Variants in TTC24 observed in about 807,000 individuals in gnomAD.
TTC24 encodes tetratricopeptide repeat protein 24.
A neutral mutation model predicts 63.3 loss-of-function variants in TTC24; 54 were observed. The ratio of observed to expected loss-of-function variants is 0.85; its 90% CI spans 0.69 to 1.07. The LOEUF (loss-of-function observed/expected upper bound fraction) is 1.07. Among genes scored for constraint, TTC24 ranks in the 50% least tolerant of loss-of-function variants. The pLI is 0.00. For synonymous variants in TTC24, 276 were observed against 304.3 expected (o/e 0.91, Z 0.97); for missense variants, 680 against 730.5 (o/e 0.93, Z 0.80).
chr1:156,583,642 T>G lies in TTC24; in HGVS notation c.1153-155T>G, dbSNP rs1365959660. 6.6e-6 allele frequency among the ~76,000 whole-genome samples: 1 copy of G among 152,056 alleles called. No homozygotes were observed. The highest frequency in any genetic ancestry group is 1.5e-5 in the Non-Finnish European group (1 of 68,008). The stretch of plus-strand genomic sequence containing the variant: ...GCTGTCCACAATTCTGGGCAGGTGG[T>G]GGCAGGACCCTGGGAAAGGCATGGG... On this transcript the variant is annotated intron_variant, in intron 5 of 10. Coordinates refer to ENST00000368236, the MANE Select transcript of TTC24 (RefSeq NM_001105669.4). This position sits in a 1 kb window ranked among gnomAD's most constrained non-coding sequence, Gnocchi z 4.0.
At chr1:156,582,512 G>A (rs1571383102) in intron 3 of TTC24, 78 bp downstream of exon 3, 1 of 1,354,428 alleles carries the variant, frequency 7.4e-7, no homozygotes, top group South Asian at 1.3e-5. Flanking sequence ...AAGGCTTAAG[G>A]GTGGATGGCC....
At position 156,584,897 on chromosome 1, in the gene TTC24, C is replaced by T. The variant is rs1677107788; in HGVS notation, c.1272C>T (p.Leu424=). 3 of 1,592,950 alleles carry T rather than the reference C, an allele frequency of 1.9e-6. No individual in the cohort carries two copies. Among genetic ancestry groups the T allele is most frequent in the Middle Eastern group, 1.7e-4 (1 of 5,990 alleles). ...CCCAGACTTCGGCTCCGGGAAGACTCCAGGCTCCAGGTGGGGCCAGCCAGG... is the reference window on the plus strand; with the variant it reads ...CCCAGACTTCGGCTCCGGGAAGACTTCAGGCTCCAGGTGGGGCCAGCCAGG... ...THTLTSAPGR[L]QAPGGASQAE... The change falls in exon 7 of 11, where the codon CTC becomes CTT. Residue 424 remains leucine, a synonymous_variant. Coordinates refer to ENST00000368236, the MANE Select transcript of TTC24 (RefSeq NM_001105669.4).
In TTC24 at chr1:156,581,426, A is replaced by G; in HGVS notation, c.62A>G (p.Asn21Ser). Reference sequence around the variant, plus strand: ...CCAGAACCTGAGCCCTCAAGCTCCAATAAGAAAAAGAAGAAAAGAAAGTGG... The same window carrying G: ...CCAGAACCTGAGCCCTCAAGCTCCAGTAAGAAAAAGAAGAAAAGAAAGTGG... Reference protein sequence around the residue: ...RRPEPEPSSSNKKKKKRKWLR... With the variant: ...RRPEPEPSSSSKKKKKRKWLR... Residue 21 changes from asparagine to serine, a missense_variant, in exon 2 of 11, where the codon AAT becomes AGT. By Grantham distance (46) the Asn-to-Ser change is conservative (BLOSUM62 1). Transcript: ENST00000368236. 6.5e-7 allele frequency: 1 copy of G among 1,547,656 alleles called. No individual in the cohort carries two copies. The highest frequency in any genetic ancestry group is 8.7e-7 in the Non-Finnish European group (1 of 1,145,262).
At position 156,583,920 on chromosome 1, in the gene TTC24, G is replaced by T; in HGVS notation, c.1251+25G>T. 6.5e-7 allele frequency: 1 copy of T among 1,549,130 alleles called. No homozygotes were observed. The highest frequency in any genetic ancestry group is 2.4e-5 in the East Asian group (1 of 41,676). ...GGTGAGATGACACCTGAGACAAGGA[G>T]ATGGGGGTGGAGAGAGGTTACCCAG... On this transcript the variant is annotated intron_variant, in intron 6 of 10. Transcript: ENST00000368236. The surrounding 1 kb of genome is among the most constrained non-coding windows in gnomAD (Gnocchi z 4.0).
rs1311381768 is a variant in TTC24, at chr1:156,583,781, T to G, written c.1153-16T>G. ...CCAGGCATTCCCCATTACCCTATTA[T>G]CCACCCTCTTCCCAGAAGGAGCCAG... is the stretch of plus-strand genomic sequence containing the variant. On this transcript the variant is annotated splice_polypyrimidine_tract_variant and intron_variant, in intron 5 of 10. Transcript: ENST00000368236. The surrounding 1 kb of genome is among the most constrained non-coding windows in gnomAD (Gnocchi z 4.0). 15 of 1,553,324 alleles carry G rather than the reference T, an allele frequency of 9.7e-6. No individual in the cohort carries two copies. The highest frequency in any genetic ancestry group is 1.2e-5 in the Non-Finnish European group (14 of 1,147,292).
intron 9 of TTC24, 45 bp from the exon 10 acceptor site, chr1:156,585,904 G>T (rs370172671): frequency 1.9e-6 from 3 of 1,596,804 alleles, no homozygotes; most frequent in Non-Finnish European, 1.7e-6. Context: ...ATAGTTCTTG[G>T]TGCAGAGAGG....
Position 156,584,942 on chromosome 1 carries a change from G to C in TTC24, c.1317G>C (p.Lys439Asn). ...GCCAGGCGGAGGGGACCCCAGCAAA[G>C]GCAGGAAGCAGCACAGCAGGTGTCC... ...GASQAEGTPA[K>N]AGSSTAGVQH... The change falls in exon 7 of 11, where the codon AAG (lysine) becomes AAC (asparagine). Residue 439 changes from lysine (K) to asparagine (N), a missense_variant. Lys to Asn is a moderately conservative substitution (Grantham distance 94, BLOSUM62 0). Coordinates refer to ENST00000368236, the MANE Select transcript of TTC24 (RefSeq NM_001105669.4). 1 of 1,604,282 alleles carries C rather than the reference G, an allele frequency of 6.2e-7. No homozygotes were observed. The highest frequency in any genetic ancestry group is 1.3e-5 in the African/African-American group (1 of 74,794).
intron 2 of TTC24, 24 bp downstream of exon 2, chr1:156,582,094 C>G (rs1677015197): frequency 2.0e-6 from 3 of 1,463,708 alleles, no homozygotes; most frequent in Non-Finnish European, 2.7e-6. Flanking sequence ...GCAGGGAAGG[C>G]ATGGGATCTG....
At position 156,582,324 on chromosome 1, in the gene TTC24, G is replaced by C. The variant is rs1353997800; in HGVS notation, c.800G>C (p.Trp267Ser). The stretch of plus-strand genomic sequence containing the variant: ...TTCCTGCAGGCCCTGCCCCTGTGCT[G>C]GGTGCCAGGAGAGCAGGCCACAGTG... ...EAFLQALPLC[W>S]VPGEQATVLR... Residue 267 changes from tryptophan to serine, a missense_variant, in exon 3 of 11, where the codon TGG (tryptophan) becomes TCG (serine). Transcript: ENST00000368236. 6.2e-7 allele frequency: 1 copy of C among 1,602,672 alleles called. No homozygotes were observed. The highest frequency in any genetic ancestry group is 2.3e-5 in the East Asian group (1 of 44,170).
rs144565610 is a variant in TTC24 at position 156,587,236 on chromosome 1, C to T, written c.*686C>T. Among the ~76,000 whole-genome samples, 21 of 151,466 alleles carry T rather than the reference C, an allele frequency of 1.4e-4. No homozygotes were observed. Among genetic ancestry groups the T allele is most frequent in the Admixed American group, 4.0e-4 (6 of 15,154 alleles). On this transcript the variant is annotated 3_prime_UTR_variant, in exon 11 of 11. Transcript: ENST00000368236. ...TGCTTAGCTCATGCCCCACCCTATT[C>T]TAGGTGCTTCACAAGTGTATTCTCC...
At position 156,586,892 on chromosome 1, in the gene TTC24, C is replaced by T; in HGVS notation, c.*342C>T. The T allele has an allele frequency of 4.6e-6, 1 of 218,242 alleles. No individual in the cohort carries two copies. Among genetic ancestry groups the T allele is most frequent in the Non-Finnish European group, 9.5e-6 (1 of 105,734 alleles). The allele number at this position is 218,242 out of a possible 1,614,324, so 13.5% of individuals were successfully genotyped here. A position where few individuals can be genotyped will look rare whatever the true frequency, so the allele number is the denominator to read the frequency against. Reference sequence around the variant, plus strand: ...GGTCAAGTAGCTTTGGAGTCACTGACTGTCTCCAGACGTCCATTTTTGCAC... The same window carrying T: ...GGTCAAGTAGCTTTGGAGTCACTGATTGTCTCCAGACGTCCATTTTTGCAC... On this transcript the variant is annotated 3_prime_UTR_variant, in exon 11 of 11. Coordinates refer to ENST00000368236, the MANE Select transcript of TTC24 (RefSeq NM_001105669.4).
rs1275913536 is a variant in TTC24, at chr1:156,587,648, C to T, written c.*1098C>T. ...CCCAGGAGTTTGAGACCACCCTGGG[C>T]AACATAGTGAGACCCCATGTCAATG... is the stretch of plus-strand genomic sequence containing the variant. On this transcript the variant is annotated 3_prime_UTR_variant, in exon 11 of 11. Coordinates refer to ENST00000368236, the MANE Select transcript of TTC24 (RefSeq NM_001105669.4). 6.6e-6 allele frequency among the ~76,000 whole-genome samples: 1 copy of T among 151,498 alleles called. No homozygotes were observed. Among genetic ancestry groups the T allele is most frequent in the African/African-American group, 2.4e-5 (1 of 41,114 alleles).
chr1:156,583,162 G>A lies in TTC24; in HGVS notation c.1031G>A (p.Arg344Gln), dbSNP rs780019772. Residue 344 changes from arginine to glutamine, a missense_variant, in exon 4 of 11, where the codon CGG becomes CAG. Physicochemically the swap from Arg to Gln is conservative, Grantham distance 43. Coordinates refer to ENST00000368236, the MANE Select transcript of TTC24 (RefSeq NM_001105669.4). This position sits in a 1 kb window ranked among gnomAD's most constrained non-coding sequence, Gnocchi z 4.0. ...TACCTGCATGCCCTGCAGGCTGCCC[G>A]GGACTCTGGTAAGCGTGAGAGGGTT... ...DNYLHALQAA[R>Q]DSGDMKGQWQ... 2.5e-5 allele frequency: 41 copies of A among 1,612,096 alleles called. No homozygotes were observed. The East Asian group carries it at 5.3e-4, about 21-fold the overall frequency.
chr1:156,583,936 G>A lies in TTC24; in HGVS notation c.1251+41G>A, dbSNP rs918534311. The A allele has an allele frequency of 1.3e-6, 2 of 1,514,858 alleles. No homozygotes were observed. Among genetic ancestry groups the A allele is most frequent in the Non-Finnish European group, 1.8e-6 (2 of 1,113,470 alleles). The allele number at this position is 1,514,858 out of a possible 1,614,324, so 93.8% of individuals were successfully genotyped here. ...AGACAAGGAGATGGGGGTGGAGAGA[G>A]GTTACCCAGAGAAGGGGTTGGTGGT... On this transcript the variant is annotated intron_variant, in intron 6 of 10. Transcript: ENST00000368236. The surrounding 1 kb of genome is among the most constrained non-coding windows in gnomAD (Gnocchi z 4.0).
In TTC24 at chr1:156,585,943, A is replaced by T; in HGVS notation, c.1571-6A>T. 1 of 1,603,676 alleles carries T rather than the reference A, an allele frequency of 6.2e-7. No individual in the cohort carries two copies. Among genetic ancestry groups the T allele is most frequent in the African/African-American group, 1.3e-5 (1 of 74,766 alleles). ...GTGATGAATGTGTCTGTCCTTCTCCATCTAGGTCCAGGACCCAGGGCCCAT... is the reference window on the plus strand; with the variant it reads ...GTGATGAATGTGTCTGTCCTTCTCCTTCTAGGTCCAGGACCCAGGGCCCAT... On this transcript the variant is annotated splice_region_variant and splice_polypyrimidine_tract_variant and intron_variant, in intron 9 of 10. Coordinates refer to ENST00000368236, the MANE Select transcript of TTC24 (RefSeq NM_001105669.4).
chr1:156,582,531 C>A, intron 3 of TTC24, 97 bp downstream of exon 3: 1 of 1,099,030 alleles, frequency 9.1e-7, no homozygotes, highest in Non-Finnish European at 1.3e-6. Context: ...CCCTTTGGGA[C>A]CACTTATGGA....
At chr1:156,580,091 C>T (rs1236191526) in intron 1 of TTC24, among the ~76,000 whole-genome samples, 1 of 152,110 alleles carries the variant, frequency 6.6e-6, no homozygotes, top group African/African-American at 2.4e-5. Context: ...TTTAAGAGGG[C>T]TCTGGAGACC....
At chr1:156,586,437 C>T in intron 10 of TTC24, 32 bp from the exon 11 acceptor site, 1 of 1,580,454 alleles carries the variant, frequency 6.3e-7, no homozygotes, top group Non-Finnish European at 8.6e-7. Flanking sequence ...CCCAGTCACC[C>T]CCACTGGCAA....
In TTC24 at chr1:156,585,247, G is replaced by A; in HGVS notation, c.1456+16G>A. On this transcript the variant is annotated intron_variant, in intron 8 of 10. Transcript: ENST00000368236. ...AGACCAGAGCGTGAGTTGATGTAGA[G>A]TATTCCTGGCGGTGCCTCTCCTTAC... The A allele has an allele frequency of 6.3e-7, 1 of 1,590,288 alleles. No homozygotes were observed. The highest frequency in any genetic ancestry group is 8.6e-7 in the Non-Finnish European group (1 of 1,165,408).
Sources: gnomAD v4.1 joint callset for allele counts (sites outside exome capture counted in the v4.1 genomes callset) on GRCh38, gnomAD v4.1.1 for gene constraint, Gnocchi (gnomAD v3.1) non-coding constraint, MANE v1.5 for transcripts, NCBI Gene and HGNC (gene_info 2026-07-23, HGNC 2026-07-21) for gene names.